Variants in SASH1 observed in about 807,000 individuals in gnomAD.
SASH1 encodes SAM and SH3 domain-containing protein 1.
A neutral mutation model predicts 125.2 loss-of-function variants in SASH1; 44 were observed. The observed-to-expected ratio is 0.35, with a 90% CI of 0.28 to 0.45. The LOEUF (loss-of-function observed/expected upper bound fraction) is 0.45. SASH1 is among the 20% of genes least tolerant of loss of function. The pLI, the probability that SASH1 is intolerant of heterozygous loss-of-function variation, is 1.00. For missense variants in SASH1, 1,426 were observed against 1,614.5 expected (o/e 0.88, Z 2.00); for synonymous variants, 639 against 649.1 (o/e 0.98, Z 0.24).
At chr6:148,210,109 T>G in the SASH1 span, among the ~76,000 whole-genome samples, 4 of 152,186 alleles carry the variant, frequency 2.6e-5, no homozygotes, top group Admixed American at 2.6e-4. Flanking sequence ...ACAGTAATGC[T>G]CCACCCAAGA....
At chr6:148,250,821 A>G in the SASH1 span, among the ~76,000 whole-genome samples, 1 of 152,310 alleles carries the variant, frequency 6.6e-6, no homozygotes, top group South Asian at 2.1e-4. Flanking sequence ...CTAGTGTTTC[A>G]GTAACTTGGT....
Position 148,387,622 on chromosome 6 carries a change from T to C in SASH1, c.157-2512T>C, listed in dbSNP as rs527490893. On this transcript the variant is annotated intron_variant, in intron 1 of 19. Coordinates refer to ENST00000367467, the MANE Select transcript of SASH1 (RefSeq NM_015278.5). ...TTTCTTTCTTTCTTTCTTTCTTTCTTTCTTTCTTTCTTTCTTTCTTTCTTT... is the reference window on the plus strand; with the variant it reads ...TTTCTTTCTTTCTTTCTTTCTTTCTCTCTTTCTTTCTTTCTTTCTTTCTTT... Among the ~76,000 whole-genome samples the C allele has an allele frequency of 1.8e-3, 62 of 33,760 alleles. 5 individuals carry two copies. Among genetic ancestry groups the C allele is most frequent in the Non-Finnish European group, 2.4e-3 (39 of 16,290 alleles). 22.1% of individuals were successfully genotyped at this position (33,760 alleles called of 152,430 possible).
rs61460366 is a variant in SASH1, at chr6:148,429,385, T to TA, written c.286-10772dup. On this transcript the variant is annotated intron_variant, in intron 2 of 19. Coordinates refer to ENST00000367467, the MANE Select transcript of SASH1 (RefSeq NM_015278.5). ...GGTGACAGAGCAAGACCCTGTCTCT[T>TA]AAAAAAAAAAAAAAAAAAAAAAAAA... is the stretch of plus-strand genomic sequence containing the variant. Among the ~76,000 whole-genome samples the TA allele has an allele frequency of 1.7e-3, 128 of 73,942 alleles. 2 individuals are homozygous for TA. The highest frequency in any genetic ancestry group is 0.014 in the Middle Eastern group (1 of 74). The allele number at this position is 73,942 out of a possible 152,430, so 48.5% of individuals were successfully genotyped here.
the SASH1 span, among the ~76,000 whole-genome samples, chr6:148,254,708 T>C: frequency 5.3e-3 from 811 of 152,278 alleles, 7 homozygotes; most frequent in African/African-American, 0.018. Context: ...AAGATAGTGA[T>C]GAGTGTTAGC....
chr6:148,370,894 A>G (rs796983543), intron 1 of SASH1, among the ~76,000 whole-genome samples: 1 of 152,182 alleles, frequency 6.6e-6, no homozygotes, highest in African/African-American at 2.4e-5. Flanking sequence ...TCATTTTTTC[A>G]AAAATATGTA....
At chr6:148,373,768 C>T (rs776853308) in intron 1 of SASH1, among the ~76,000 whole-genome samples, 19 of 152,096 alleles carry the variant, frequency 1.2e-4, no homozygotes, top group Non-Finnish European at 2.5e-4. Flanking sequence ...GTCAGGAGTT[C>T]GAGACCAGCC....
the SASH1 span, among the ~76,000 whole-genome samples, chr6:148,229,133 C>CA: frequency 0.094 from 5,657 of 60,268 alleles, 705 homozygotes; most frequent in Non-Finnish European, 0.12. Flanking sequence ...GACTCCATCT[C>CA]AAAAAAAAAA....
chr6:148,477,321 A>G (rs12191268), intron 7 of SASH1, among the ~76,000 whole-genome samples: 6,594 of 152,314 alleles, frequency 0.043, 182 homozygotes, highest in Admixed American at 0.074. Context: ...ACCGTCTGAC[A>G]AAGGATTAAT....
chr6:148,313,074 C>T (rs1780378525), intron 1 of SASH1, among the ~76,000 whole-genome samples: 1 of 152,114 alleles, frequency 6.6e-6, no homozygotes, highest in South Asian at 2.1e-4. Flanking sequence ...GAGTTAGTGG[C>T]AGAGAGAGGA....
intron 4 of SASH1, among the ~76,000 whole-genome samples, chr6:148,465,662 A>AC (rs1256371217): frequency 1.3e-5 from 2 of 151,724 alleles, no homozygotes; most frequent in African/African-American, 4.8e-5. Flanking sequence ...CCAGCTGCAG[A>AC]CCCCAGCCCG....
intron 2 of SASH1, among the ~76,000 whole-genome samples, chr6:148,396,478 G>GCA: frequency 1.6e-5 from 1 of 63,788 alleles, no homozygotes; most frequent in Non-Finnish European, 2.8e-5. Context: ...CTGCATCTCA[G>GCA]AAAAAAAAAA....
chr6:148,221,256 G>A, the SASH1 span, among the ~76,000 whole-genome samples: 1 of 151,966 alleles, frequency 6.6e-6, no homozygotes, highest in African/African-American at 2.4e-5. Context: ...AAATAAATCA[G>A]CTGGAAATAA....
chr6:148,352,620 A>C (rs1319467111), intron 1 of SASH1, among the ~76,000 whole-genome samples: 1 of 150,996 alleles, frequency 6.6e-6, no homozygotes, highest in Non-Finnish European at 1.5e-5. Flanking sequence ...TAAATAAATA[A>C]ATAAATAAAT....
upstream of SASH1, among the ~76,000 whole-genome samples, chr6:148,340,873 T>G (rs762692017): frequency 1.2e-4 from 18 of 152,302 alleles, no homozygotes; most frequent in Admixed American, 2.0e-4. Flanking sequence ...CAGTGGCTCA[T>G]GCCTATAATC....
chr6:148,367,813 G>C (rs1456130803), intron 1 of SASH1, among the ~76,000 whole-genome samples: 2 of 152,234 alleles, frequency 1.3e-5, no homozygotes, highest in African/African-American at 4.8e-5. Flanking sequence ...AAGCCCAGGA[G>C]GGGGACACCC....
chr6:148,401,326 C>G (rs1466397027), intron 2 of SASH1, among the ~76,000 whole-genome samples: 11 of 151,934 alleles, frequency 7.2e-5, no homozygotes, highest in Non-Finnish European at 1.3e-4. Flanking sequence ...TCAGGAAGGA[C>G]ACACACTAGC....
chr6:148,379,897 C>A (rs2114780134), intron 1 of SASH1: 1 of 456,538 alleles, frequency 2.2e-6, no homozygotes, highest in African/African-American at 2.0e-5. Flanking sequence ...CCATCTATAT[C>A]TGCACTCACC....
intron 1 of SASH1, among the ~76,000 whole-genome samples, chr6:148,368,606 ATGG>A (rs1562357059): frequency 6.6e-6 from 1 of 152,160 alleles, no homozygotes; most frequent in Non-Finnish European, 1.5e-5. Context: ...GGCAGTGGAC[ATGG>A]AACCTTCCTG....
chr6:148,248,054 CA>C, the SASH1 span, among the ~76,000 whole-genome samples: 1 of 152,284 alleles, frequency 6.6e-6, no homozygotes, highest in East Asian at 1.9e-4. Flanking sequence ...GCCCTTATTT[CA>C]AGTTCTTGGA....
Sources: allele counts gnomAD v4.1 joint callset (sites outside exome capture counted in the v4.1 genomes callset), GRCh38; gene constraint gnomAD v4.1.1; transcripts MANE v1.5; gene names NCBI Gene and HGNC (gene_info 2026-07-23, HGNC 2026-07-21).